TOR1AIP1: variants seen among roughly 807,000 people sequenced by gnomAD.
TOR1AIP1 encodes torsin 1A interacting protein 1.
A neutral mutation model predicts 63.3 loss-of-function variants in TOR1AIP1; 54 were observed. The ratio of observed to expected loss-of-function variants is 0.85; its 90% confidence interval spans 0.69 to 1.07. TOR1AIP1 has a LOEUF of 1.07. Ranked by LOEUF, TOR1AIP1 falls within the 50% of genes least tolerant of loss-of-function variation. TOR1AIP1 has a pLI of 0.00. For synonymous variants in TOR1AIP1, 294 were observed against 273.5 expected (o/e 1.07, Z -0.74); for missense variants, 736 against 715.0 (o/e 1.03, Z -0.33).
chr1:179,911,706 G>A (rs1310214848), intron 8 of TOR1AIP1, among the ~76,000 whole-genome samples: 1 of 152,152 alleles, frequency 6.6e-6, no homozygotes, highest in Non-Finnish European at 1.5e-5. Context: ...GAGTAATCTT[G>A]GTAAAATCAC....
intron 2 of TOR1AIP1, among the ~76,000 whole-genome samples, chr1:179,885,160 A>G (rs1331212559): frequency 6.6e-6 from 1 of 152,220 alleles, no homozygotes; most frequent in Non-Finnish European, 1.5e-5. Context: ...AAATGGATTA[A>G]CTTTTCTTCA....
At chr1:179,913,299 A>G (rs1648897531) in intron 8 of TOR1AIP1, among the ~76,000 whole-genome samples, 1 of 152,120 alleles carries the variant, frequency 6.6e-6, no homozygotes, top group African/African-American at 2.4e-5. Flanking sequence ...ATGAAAGTAG[A>G]AATTTGACAG....
rs186107074 is a variant in TOR1AIP1, at chr1:179,897,118, A to G, written c.611-3008A>G. Among the ~76,000 whole-genome samples the G allele has an allele frequency of 3.3e-3, 510 of 152,320 alleles. 1 individual carries two copies. The highest frequency in any genetic ancestry group is 8.1e-3 in the Admixed American group (124 of 15,298). On this transcript the variant is annotated intron_variant, in intron 3 of 9. Transcript: ENST00000606911. ...TTCTTGTTTTGAATACTATTGATAAATATTTATTGTTAGGAACATAGAATT... is the reference window on the plus strand; with the variant it reads ...TTCTTGTTTTGAATACTATTGATAAGTATTTATTGTTAGGAACATAGAATT...
Position 179,917,577 on chromosome 1 carries a change from G to C in TOR1AIP1, c.1090G>C (p.Ala364Pro). The C allele has an allele frequency of 6.2e-7, 1 of 1,614,140 alleles. No individual in the cohort carries two copies. The highest frequency in any genetic ancestry group is 8.5e-7 in the Non-Finnish European group (1 of 1,180,028). The change falls in exon 10 of 10, where the codon GCT (alanine) becomes CCT (proline). Residue 364 changes from alanine to proline, a missense_variant. Physicochemically the swap from Ala to Pro is conservative, Grantham distance 27 (BLOSUM62 -1). Coordinates refer to ENST00000606911, the MANE Select transcript of TOR1AIP1 (RefSeq NM_015602.4). ...TAGTACTCCTGAGGTAGAAACCACT[G>C]CTGTTCAAGAGTTCCAGAACCAGAT... The part of the protein sequence containing the change: ...FFSTPEVETT[A>P]VQEFQNQMNQ...
chr1:179,914,867 A>G (rs1648944274), intron 9 of TOR1AIP1, among the ~76,000 whole-genome samples: 1 of 152,174 alleles, frequency 6.6e-6, no homozygotes, highest in Non-Finnish European at 1.5e-5. Flanking sequence ...TTACACTAGT[A>G]AAGTTATTAA....
chr1:179,889,075 G>GA lies in TOR1AIP1; in HGVS notation c.554-232dup, dbSNP rs1423127388. On this transcript the variant is annotated intron_variant, in intron 2 of 9. Coordinates refer to ENST00000606911, the MANE Select transcript of TOR1AIP1 (RefSeq NM_015602.4). ...CCTTCCTACAGCTACGGTTTGCTGA[G>GA]AAAAAATGCAAATTTCTCCATCAAG... 3.9e-5 allele frequency among the ~76,000 whole-genome samples: 6 copies of GA among 152,206 alleles called. No individual in the cohort carries two copies. The Middle Eastern group carries it at 0.014, about 345-fold the overall frequency.
Position 179,901,403 on chromosome 1 carries a change from T to C in TOR1AIP1, c.739+15T>C. 2 of 1,529,728 alleles carry C rather than the reference T, an allele frequency of 1.3e-6. No individual in the cohort carries two copies. The highest frequency in any genetic ancestry group is 1.8e-6 in the Non-Finnish European group (2 of 1,115,602). 94.8% of individuals were successfully genotyped at this position (1,529,728 alleles called of 1,614,324 possible). A position where few individuals can be genotyped will look rare whatever the true frequency, so the allele number is the denominator to read the frequency against. ...TGAATCTGGAGGTAATATTGCTTTA[T>C]ATACATATGACTCTTCTCATAGAAC... On this transcript the variant is annotated intron_variant, in intron 5 of 9. Transcript: ENST00000606911.
chr1:179,918,707 T>C lies in TOR1AIP1; in HGVS notation c.*468T>C, dbSNP rs1649100518. The C allele has an allele frequency of 6.5e-6, 1 of 154,454 alleles. No individual in the cohort carries two copies. Among genetic ancestry groups the C allele is most frequent in the Admixed American group, 6.4e-5 (1 of 15,512 alleles). 9.6% of individuals were successfully genotyped at this position (154,454 alleles called of 1,614,324 possible). A position where few individuals can be genotyped will look rare whatever the true frequency, so the allele number is the denominator to read the frequency against. ...GTGTGAGTTCCTTAGCTTCTGCCTA[T>C]AGGAACATAAGTAATGAAAGGTCAT... is the stretch of plus-strand genomic sequence containing the variant. On this transcript the variant is annotated 3_prime_UTR_variant, in exon 10 of 10. Coordinates refer to ENST00000606911, the MANE Select transcript of TOR1AIP1 (RefSeq NM_015602.4).
At chr1:179,907,346 T>C (rs115534703) in intron 6 of TOR1AIP1, among the ~76,000 whole-genome samples, 7,769 of 150,730 alleles carry the variant, frequency 0.052, 307 homozygotes, top group Non-Finnish European at 0.067. Context: ...GGAGAATATC[T>C]TGAACCTGGG....
chr1:179,915,995 T>C lies in TOR1AIP1; in HGVS notation c.965-1457T>C, dbSNP rs748639397. On this transcript the variant is annotated intron_variant, in intron 9 of 9. Transcript: ENST00000606911. ...CTTTTCCTTGAGACAACCATGGTAC[T>C]GTATGATGCAGCAGAAGTGCTTTGT... is the stretch of plus-strand genomic sequence containing the variant. Among the ~76,000 whole-genome samples the C allele has an allele frequency of 6.6e-5, 10 of 152,244 alleles. No homozygotes were observed. In the South Asian group the frequency reaches 8.3e-4, roughly 13 times the overall value.
chr1:179,918,236 A>G lies in TOR1AIP1; in HGVS notation c.1749A>G (p.Leu583=), dbSNP rs200313537. The G allele has an allele frequency of 2.5e-6, 4 of 1,581,846 alleles. No individual in the cohort carries two copies. Among genetic ancestry groups the G allele is most frequent in the Middle Eastern group, 3.4e-4 (2 of 5,938 alleles). ...PENALKRGIC[L] ...ATGCCCTGAAAAGGGGCATCTGCTT[A>G]TAAGAAGTGAGAGAGAAGAAAAATC... Residue 583 remains leucine (L), a synonymous_variant, in exon 10 of 10, where the codon TTA becomes TTG. Transcript: ENST00000606911.
At chr1:179,888,781 A>G (rs996110444) in intron 2 of TOR1AIP1, among the ~76,000 whole-genome samples, 2 of 152,238 alleles carry the variant, frequency 1.3e-5, no homozygotes, top group Non-Finnish European at 2.9e-5. Flanking sequence ...CTTCTCCGCT[A>G]TCCCTATGCC....
intron 3 of TOR1AIP1, among the ~76,000 whole-genome samples, chr1:179,889,694 A>G (rs776246368): frequency 6.7e-6 from 1 of 149,204 alleles, no homozygotes; most frequent in Admixed American, 6.7e-5. Flanking sequence ...TCGCTCTGTC[A>G]TCCAGGCTGG....
intron 8 of TOR1AIP1, among the ~76,000 whole-genome samples, chr1:179,911,951 G>C (rs1648845253): frequency 6.6e-6 from 1 of 150,524 alleles, no homozygotes; most frequent in African/African-American, 2.4e-5. Flanking sequence ...CTTTAGACTA[G>C]AAAAGCTTGA....
At chr1:179,893,351 G>C (rs1186110161) in intron 3 of TOR1AIP1, among the ~76,000 whole-genome samples, 4 of 152,148 alleles carry the variant, frequency 2.6e-5, no homozygotes, top group Non-Finnish European at 4.4e-5. Flanking sequence ...CGTGGAGCTT[G>C]AATACTAGTG....
At chr1:179,909,550 ACAGGCG>A (rs1381725997) in intron 8 of TOR1AIP1, among the ~76,000 whole-genome samples, 3 of 151,930 alleles carry the variant, frequency 2.0e-5, no homozygotes, top group Non-Finnish European at 2.9e-5. Context: ...AGCCAGGACT[ACAGGCG>A]CGTACCACCA....
At position 179,888,508 on chromosome 1, in the gene TOR1AIP1, T is replaced by C. The variant is rs200786604; in HGVS notation, c.554-805T>C. Among the ~76,000 whole-genome samples, 28 of 152,294 alleles carry C rather than the reference T, an allele frequency of 1.8e-4. No individual in the cohort carries two copies. In the East Asian group the frequency reaches 5.4e-3, roughly 29 times the overall value. ...AGATATCGATATAAGTTCTAAATAC[T>C]TGATGTGTGAAATACTGAGATAGAT... On this transcript the variant is annotated intron_variant, in intron 2 of 9. Transcript: ENST00000606911.
At chr1:179,902,365 A>G (rs953956523) in intron 5 of TOR1AIP1, among the ~76,000 whole-genome samples, 3 of 151,932 alleles carry the variant, frequency 2.0e-5, no homozygotes, top group Middle Eastern at 3.4e-3. Context: ...CACTTTAAAA[A>G]TAAGTACATA....
chr1:179,911,995 CTTTTTTCTTTTTTTTCTT>C (rs767054197), intron 8 of TOR1AIP1, among the ~76,000 whole-genome samples: 45 of 97,826 alleles, frequency 4.6e-4, no homozygotes, highest in African/African-American at 6.3e-4. Flanking sequence ...TTTTTTTTTT[CTTTTTTCTTTTTTTTCTT>C]TTTTTTTTCT....
Sources: gnomAD v4.1 joint callset for allele counts (sites outside exome capture counted in the v4.1 genomes callset) on GRCh38, gnomAD v4.1.1 for gene constraint, MANE v1.5 for transcripts, NCBI Gene and HGNC (gene_info 2026-07-23, HGNC 2026-07-21) for gene names.